The following CDH6 variants were observed in gnomAD, a reference collection of about 807,000 sequenced individuals.
CDH6 encodes cadherin 6.
Under a neutral mutation model 78.0 loss-of-function variants are expected in CDH6, and 31 were observed. That is an observed-to-expected ratio of 0.40 (90% CI 0.30 to 0.54). The LOEUF is 0.54. Among genes scored for constraint, CDH6 ranks in the 20% least tolerant of loss-of-function variants. CDH6 has a pLI of 0.56. For synonymous variants in CDH6, 376 were observed against 368.8 expected (o/e 1.02, Z -0.23); for missense variants, 724 against 975.9 (o/e 0.74, Z 3.44).
intron 3 of CDH6, among the ~76,000 whole-genome samples, chr5:31,296,448 C>A (rs991508985): frequency 5.3e-5 from 8 of 152,140 alleles, no homozygotes; most frequent in African/African-American, 1.9e-4. Context: ...GAATGCTGAT[C>A]TGAAATGTAA....
Position 31,294,307 on chromosome 5 carries a change from A to C in CDH6, c.523+51A>C. The C allele has an allele frequency of 2.7e-6, 4 of 1,485,916 alleles. No homozygotes were observed. The highest frequency in any genetic ancestry group is 2.8e-6 in the Non-Finnish European group (3 of 1,081,824). 92.0% of individuals were successfully genotyped at this position (1,485,916 alleles called of 1,614,324 possible). A position where few individuals can be genotyped will look rare whatever the true frequency, so the allele number is the denominator to read the frequency against. Reference sequence around the variant, plus strand: ...AAGCTGGCTTTCCCCTAGTGCATCCACTGAGTAAGGAATCCCACGAGCTCA... The same window carrying C: ...AAGCTGGCTTTCCCCTAGTGCATCCCCTGAGTAAGGAATCCCACGAGCTCA... On this transcript the variant is annotated intron_variant, in intron 3 of 11. Transcript: ENST00000265071. The surrounding 1 kb of genome is among the most constrained non-coding windows in gnomAD (Gnocchi z 4.1).
intron 1 of CDH6, among the ~76,000 whole-genome samples, chr5:31,257,315 A>G (rs963038355): frequency 3.9e-5 from 6 of 152,076 alleles, no homozygotes; most frequent in African/African-American, 1.4e-4. Flanking sequence ...GGTGCCCGCC[A>G]CCACGCTCGG....
At chr5:31,226,999 C>T (rs148855442) in intron 1 of CDH6, among the ~76,000 whole-genome samples, 23 of 152,274 alleles carry the variant, frequency 1.5e-4, no homozygotes, top group African/African-American at 5.1e-4. Flanking sequence ...AGGGCAAAGC[C>T]TGAAAATGAC....
intron 1 of CDH6, among the ~76,000 whole-genome samples, chr5:31,253,236 C>T (rs557210368): frequency 1.7e-4 from 26 of 152,260 alleles, no homozygotes; most frequent in Admixed American, 1.4e-3. Flanking sequence ...CACATGCCGT[C>T]GGAGGGACCC....
chr5:31,205,627 A>G (rs888041150), intron 1 of CDH6, among the ~76,000 whole-genome samples: 1 of 152,216 alleles, frequency 6.6e-6, no homozygotes, highest in Non-Finnish European at 1.5e-5. Flanking sequence ...TAAACTAAAC[A>G]ATGTCCTTGC....
At chr5:31,288,161 T>A (rs890023876) in intron 2 of CDH6, among the ~76,000 whole-genome samples, 1 of 152,190 alleles carries the variant, frequency 6.6e-6, no homozygotes, top group African/African-American at 2.4e-5. Flanking sequence ...ACCCTTTACA[T>A]TCACACATAT....
At chr5:31,216,651 G>T (rs1401502882) in intron 1 of CDH6, among the ~76,000 whole-genome samples, 1 of 137,426 alleles carries the variant, frequency 7.3e-6, no homozygotes, top group Non-Finnish European at 1.5e-5. Flanking sequence ...ACAGTCCACT[G>T]ACTCCTGCTG....
chr5:31,316,261 A>G lies in CDH6; in HGVS notation c.1444A>G (p.Asn482Asp). The G allele has an allele frequency of 6.2e-7, 1 of 1,613,472 alleles. No individual in the cohort carries two copies. The change falls in exon 9 of 12, where the codon AAT (asparagine) becomes GAT (aspartate). Residue 482 changes from asparagine to aspartate, a missense_variant. Transcript: ENST00000265071. Reference protein sequence around the residue: ...VPLYIKVLDVNDNAPEFAEFY... With the variant: ...VPLYIKVLDVDDNAPEFAEFY... Reference sequence around the variant, plus strand: ...TCTATATATTAAAGTTCTAGATGTCAATGACAACGCCCCAGAATTTGCTGA... The same window carrying G: ...TCTATATATTAAAGTTCTAGATGTCGATGACAACGCCCCAGAATTTGCTGA...
intron 1 of CDH6, among the ~76,000 whole-genome samples, chr5:31,226,753 C>T (rs1224144335): frequency 6.6e-6 from 1 of 152,192 alleles, no homozygotes; most frequent in Non-Finnish European, 1.5e-5. Flanking sequence ...ACTAGGAACA[C>T]AAATTCGTCG....
In CDH6 at chr5:31,326,805, C is replaced by T. The variant is rs1199779336; in HGVS notation, c.*3497C>T. 1 of 156,052 alleles carries T rather than the reference C, an allele frequency of 6.4e-6. No homozygotes were observed. The highest frequency in any genetic ancestry group is 1.4e-5 in the Non-Finnish European group (1 of 71,328). The allele number at this position is 156,052 out of a possible 1,614,324, so 9.7% of individuals were successfully genotyped here. On this transcript the variant is annotated 3_prime_UTR_variant, in exon 12 of 12. Coordinates refer to ENST00000265071, the MANE Select transcript of CDH6 (RefSeq NM_004932.4). The stretch of plus-strand genomic sequence containing the variant: ...CTCCCGGGTTCACGCCATTCTCCTG[C>T]CTCAGCGCCCCCAGTAGCTGGGACT...
intron 2 of CDH6, among the ~76,000 whole-genome samples, chr5:31,280,999 AT>A: frequency 6.6e-6 from 1 of 152,238 alleles, no homozygotes; most frequent in East Asian, 1.9e-4. Flanking sequence ...ATAGAATTCA[AT>A]TTACTCATCA....
chr5:31,281,479 C>T (rs931327549), intron 2 of CDH6, among the ~76,000 whole-genome samples: 3 of 152,092 alleles, frequency 2.0e-5, no homozygotes, highest in African/African-American at 4.8e-5. Context: ...TGGGATCTGG[C>T]TCTCAGCTTG....
chr5:31,310,141 T>TA (rs566263131), intron 7 of CDH6, among the ~76,000 whole-genome samples: 1,603 of 152,250 alleles, frequency 0.011, 16 homozygotes, highest in Non-Finnish European at 0.018. Flanking sequence ...GCCTGTAAAA[T>TA]AAAAAACAAG....
At chr5:31,268,953 T>A (rs182756022) in intron 2 of CDH6, among the ~76,000 whole-genome samples, 13 of 152,202 alleles carry the variant, frequency 8.5e-5, no homozygotes, top group African/African-American at 1.4e-4. Context: ...TCAACACAGA[T>A]CCCCAAGGAT....
At chr5:31,303,398 C>T (rs1408522334) in intron 6 of CDH6, among the ~76,000 whole-genome samples, 1 of 152,152 alleles carries the variant, frequency 6.6e-6, no homozygotes, top group Non-Finnish European at 1.5e-5. Flanking sequence ...ATAAAGACCA[C>T]AAGTTTAAAT....
At chr5:31,253,740 A>AG in intron 1 of CDH6, among the ~76,000 whole-genome samples, 1 of 152,276 alleles carries the variant, frequency 6.6e-6, no homozygotes, top group Middle Eastern at 3.4e-3. Flanking sequence ...AAACCTGTGG[A>AG]GCCTTAGAAG....
intron 1 of CDH6, among the ~76,000 whole-genome samples, chr5:31,221,650 C>T (rs747644920): frequency 6.6e-5 from 10 of 152,088 alleles, no homozygotes; most frequent in Admixed American, 3.3e-4. Flanking sequence ...AACTTGATGA[C>T]GGTGCCATCT....
At chr5:31,262,287 G>A (rs985431366) in intron 1 of CDH6, among the ~76,000 whole-genome samples, 2 of 152,202 alleles carry the variant, frequency 1.3e-5, no homozygotes, top group African/African-American at 4.8e-5. Flanking sequence ...AATTACCAAA[G>A]CTATGTGGGC....
intron 11 of CDH6, chr5:31,318,531 T>C (rs1214205527): frequency 4.3e-6 from 1 of 230,422 alleles, no homozygotes; most frequent in African/African-American, 2.2e-5. Context: ...AGGAAATCAG[T>C]ATGGGGGCCC....
Sources: gnomAD v4.1 joint callset for allele counts (sites outside exome capture counted in the v4.1 genomes callset) on GRCh38, gnomAD v4.1.1 for gene constraint, Gnocchi (gnomAD v3.1) non-coding constraint, MANE v1.5 for transcripts, NCBI Gene and HGNC (gene_info 2026-07-23, HGNC 2026-07-21) for gene names.